PLEKHA8: variants seen among roughly 807,000 people sequenced by gnomAD.
PLEKHA8 encodes pleckstrin homology domain containing A8, also known as pleckstrin homology domain-containing family A member 8.
PLEKHA8 carries 36 observed loss-of-function variants against 68.2 expected under a neutral mutation model. The observed-to-expected ratio is 0.53, with a 90% CI of 0.40 to 0.70. The LOEUF is 0.70. PLEKHA8 is among the 30% of genes least tolerant of loss of function. The pLI is 0.00. For missense variants in PLEKHA8, 505 were observed against 615.4 expected (o/e 0.82, Z 1.90); for synonymous variants, 211 against 216.1 (o/e 0.98, Z 0.20).
intron 13 of PLEKHA8, among the ~76,000 whole-genome samples, chr7:30,076,265 A>G (rs6976806): frequency 0.17 from 25,498 of 152,038 alleles, 2,181 homozygotes; most frequent in Middle Eastern, 0.22. Context: ...TGTCTGTATA[A>G]TATTTTCCTA....
At chr7:30,048,895 G>A (rs1479245689) in intron 4 of PLEKHA8, among the ~76,000 whole-genome samples, 2 of 152,106 alleles carry the variant, frequency 1.3e-5, no homozygotes, top group East Asian at 3.9e-4. Context: ...CCTGCTCTTG[G>A]GAAGTTTATA....
At chr7:30,102,239 C>G (rs1485581373) in intron 13 of PLEKHA8, among the ~76,000 whole-genome samples, 2 of 152,192 alleles carry the variant, frequency 1.3e-5, no homozygotes, top group Non-Finnish European at 2.9e-5. Context: ...CCATTTCATA[C>G]CTACCAGCAT....
At chr7:30,050,677 G>A in intron 6 of PLEKHA8, 1 of 549,260 alleles carries the variant, frequency 1.8e-6, no homozygotes, top group Non-Finnish European at 2.8e-6. Context: ...TAATAGGGAA[G>A]ATGTTGGCAT....
chr7:30,043,671 A>C (rs1791718708), intron 1 of PLEKHA8, among the ~76,000 whole-genome samples: 1 of 151,874 alleles, frequency 6.6e-6, no homozygotes, highest in Non-Finnish European at 1.5e-5. Context: ...TACCTACCCA[A>C]CTCCTTCACA....
chr7:30,106,929 C>T (rs528016253), intron 13 of PLEKHA8, among the ~76,000 whole-genome samples: 54 of 152,144 alleles, frequency 3.5e-4, no homozygotes, highest in Non-Finnish European at 5.9e-4. Context: ...ATTTTGATAC[C>T]TGCCAGGGTC....
intron 12 of PLEKHA8, among the ~76,000 whole-genome samples, chr7:30,066,633 A>G (rs1447068684): frequency 6.6e-6 from 1 of 152,196 alleles, no homozygotes; most frequent in East Asian, 1.9e-4. Context: ...CATATTCCAC[A>G]TCAGAAAGAG....
chr7:30,029,951 AT>A lies in PLEKHA8; in HGVS notation c.40+1157del, dbSNP rs533133610. Among the ~76,000 whole-genome samples the A allele has an allele frequency of 1.6e-3, 237 of 151,976 alleles. 3 individuals are homozygous for A. Among genetic ancestry groups the A allele is most frequent in the African/African-American group, 5.1e-3 (211 of 41,438 alleles). The stretch of plus-strand genomic sequence containing the variant: ...TAATTAGCAGTGAGTTCACCTGTTT[AT>A]TTTTTTTCTGTAATCATTAATAGAG... On this transcript the variant is annotated intron_variant, in intron 1 of 13. Transcript: ENST00000449726.
chr7:30,031,315 TAG>T, intron 1 of PLEKHA8, among the ~76,000 whole-genome samples: 1 of 152,314 alleles, frequency 6.6e-6, no homozygotes, highest in Non-Finnish European at 1.5e-5. Context: ...TACGGGTTGT[TAG>T]AGAAAGCTTC....
In PLEKHA8 at chr7:30,063,116, T is replaced by C. The variant is rs546608675; in HGVS notation, c.1300+374T>C. Among the ~76,000 whole-genome samples the C allele has an allele frequency of 2.6e-3, 401 of 152,312 alleles. 2 individuals are homozygous for C. Among genetic ancestry groups the C allele is most frequent in the African/African-American group, 9.4e-3 (391 of 41,566 alleles). ...AAGCTTGAACACCATAACAGCGGGT[T>C]GGCGTGGGGGAATCCCAGGGATTTG... On this transcript the variant is annotated intron_variant, in intron 12 of 13. Coordinates refer to ENST00000449726, the MANE Select transcript of PLEKHA8 (RefSeq NM_001197026.2).
chr7:30,101,922 A>G (rs1795867614), intron 13 of PLEKHA8, among the ~76,000 whole-genome samples: 1 of 152,224 alleles, frequency 6.6e-6, no homozygotes, highest in African/African-American at 2.4e-5. Flanking sequence ...AAAGAAAATA[A>G]ATAAATAAAT....
rs765023358 is a variant in PLEKHA8, at chr7:30,045,125, G to A, written c.81G>A (p.Leu27=). 1.2e-5 allele frequency: 19 copies of A among 1,611,618 alleles called. No homozygotes were observed. The highest frequency in any genetic ancestry group is 1.7e-5 in the Admixed American group (1 of 59,588). The change falls in exon 2 of 14, where the codon TTG becomes TTA. Residue 27 remains leucine, a synonymous_variant. Coordinates refer to ENST00000449726, the MANE Select transcript of PLEKHA8 (RefSeq NM_001197026.2). ...PRWFLLCGGI[L]SYYDSPEDAW... ...GGTTCCTTCTCTGTGGGGGAATATT[G>A]TCCTATTATGATTCTCCTGAAGATG...
intron 1 of PLEKHA8, among the ~76,000 whole-genome samples, chr7:30,031,868 A>G (rs982058064): frequency 6.6e-6 from 1 of 152,180 alleles, no homozygotes; most frequent in Non-Finnish European, 1.5e-5. Context: ...CCCTGATAAT[A>G]GCGTCTGAGG....
downstream of PLEKHA8, among the ~76,000 whole-genome samples, chr7:30,092,180 A>C (rs939324328): frequency 2.6e-5 from 4 of 152,200 alleles, no homozygotes; most frequent in Admixed American, 2.6e-4. Flanking sequence ...TAACTATTGC[A>C]AAAGATTGTT....
chr7:30,123,578 G>A (rs867788372), intron 13 of PLEKHA8, among the ~76,000 whole-genome samples: 1 of 152,160 alleles, frequency 6.6e-6, no homozygotes, highest in Non-Finnish European at 1.5e-5. Context: ...ACTACTTAAG[G>A]ACTTTTTAGG....
chr7:30,060,155 A>C (rs1246328050), intron 9 of PLEKHA8, among the ~76,000 whole-genome samples: 4 of 124,064 alleles, frequency 3.2e-5, no homozygotes. Flanking sequence ...AAGAATCATT[A>C]ATGAGTCTGA....
downstream of PLEKHA8, among the ~76,000 whole-genome samples, chr7:30,087,730 C>T (rs1480418555): frequency 6.6e-6 from 1 of 152,130 alleles, no homozygotes. Context: ...GCTTTAAGTC[C>T]CTTCACAAAC....
At chr7:30,066,870 G>C (rs1412066850) in intron 12 of PLEKHA8, among the ~76,000 whole-genome samples, 1 of 152,200 alleles carries the variant, frequency 6.6e-6, no homozygotes, top group African/African-American at 2.4e-5. Context: ...TATTTAATAT[G>C]AAAGGCTTTC....
At chr7:30,041,198 G>GT (rs1247691661) in intron 1 of PLEKHA8, among the ~76,000 whole-genome samples, 2 of 152,072 alleles carry the variant, frequency 1.3e-5, no homozygotes, top group African/African-American at 4.8e-5. Flanking sequence ...TGTCTAATAG[G>GT]AATGAGATTT....
intron 1 of PLEKHA8, among the ~76,000 whole-genome samples, chr7:30,037,019 G>A (rs538352296): frequency 6.6e-6 from 1 of 152,172 alleles, no homozygotes; most frequent in Non-Finnish European, 1.5e-5. Context: ...GAAGCTGAGT[G>A]GGGGAGGGCT....
Sources: gnomAD v4.1 joint callset for allele counts (sites outside exome capture counted in the v4.1 genomes callset) on GRCh38, gnomAD v4.1.1 for gene constraint, MANE v1.5 for transcripts, NCBI Gene and HGNC (gene_info 2026-07-23, HGNC 2026-07-21) for gene names.